Variants in DENND1A observed in about 807,000 individuals in gnomAD.
The protein encoded by DENND1A is DENN domain containing 1A.
A neutral mutation model predicts 113.7 loss-of-function variants in DENND1A; 51 were observed. The ratio of observed to expected loss-of-function variants is 0.45; its 90% CI spans 0.36 to 0.57. The LOEUF (loss-of-function observed/expected upper bound fraction) is 0.57. Among genes scored for constraint, DENND1A ranks in the 20% least tolerant of loss-of-function variants. The probability of loss-of-function intolerance (pLI) is 0.00; values close to 1 mark genes in which losing one functional copy is unlikely to be tolerated. For missense variants in DENND1A, 1,258 were observed against 1,395.9 expected, an observed-to-expected ratio of 0.90 and a Z score of 1.57; for synonymous variants, 565 against 570.8, an observed-to-expected ratio of 0.99 and a Z score of 0.14.
Position 123,381,340 on chromosome 9 carries a change from C to T in DENND1A, c.*92G>A. ...TCCCATCCCTTCCCACCAGCAGAAC[C>T]TGGGCAGAGAGAGAGTGGCGGGGGA... On this transcript the variant is annotated 3_prime_UTR_variant, in exon 24 of 24. Coordinates refer to ENST00000394215, the MANE Select transcript of DENND1A (RefSeq NM_001352964.2). The surrounding 1 kb of genome is among the most constrained non-coding windows in gnomAD (Gnocchi z 4.7). 1 of 1,310,234 alleles carries T rather than the reference C, an allele frequency of 7.6e-7. No homozygotes were observed. The highest frequency in any genetic ancestry group is 1.1e-6 in the Non-Finnish European group (1 of 936,140). The allele number at this position is 1,310,234 out of a possible 1,614,324, so 81.2% of individuals were successfully genotyped here.
intron 5 of DENND1A, among the ~76,000 whole-genome samples, chr9:123,692,087 T>A (rs1483046609): frequency 6.6e-6 from 1 of 152,164 alleles, no homozygotes; most frequent in Non-Finnish European, 1.5e-5. Context: ...CCAAGAGCTG[T>A]TCCTTCGTCT....
At chr9:123,387,475 G>C (rs1373900776) in intron 22 of DENND1A, among the ~76,000 whole-genome samples, 1 of 152,192 alleles carries the variant, frequency 6.6e-6, no homozygotes, top group Non-Finnish European at 1.5e-5. Flanking sequence ...TCTCTAAGGG[G>C]ACCAATGCTC....
rs1336495800 is a variant in DENND1A, at chr9:123,583,159, C to G, written c.867+10G>C. The G allele has an allele frequency of 6.2e-7, 1 of 1,600,514 alleles. No homozygotes were observed. On this transcript the variant is annotated intron_variant, in intron 12 of 23. Coordinates refer to ENST00000394215, the MANE Select transcript of DENND1A (RefSeq NM_001352964.2). ...CACAGAAGTGAGATCCTCGCAAGCT[C>G]ATTACCTACCACGTCGTTTGGGAGG...
chr9:123,924,435 A>G (rs913385726), intron 1 of DENND1A, among the ~76,000 whole-genome samples: 1 of 152,178 alleles, frequency 6.6e-6, no homozygotes, highest in Non-Finnish European at 1.5e-5. Context: ...TTGGGAGGCC[A>G]AGGCAGTCGG....
At chr9:123,458,623 C>T (rs139442095) in intron 13 of DENND1A, among the ~76,000 whole-genome samples, 1 of 152,116 alleles carries the variant, frequency 6.6e-6, no homozygotes, top group Non-Finnish European at 1.5e-5. Flanking sequence ...ACTTTTTTCA[C>T]TTTTAGCAGC....
Position 123,381,120 on chromosome 9 carries a change from GTC to G in DENND1A, c.*310_*311del. Reference sequence around the variant, plus strand: ...TCCGGGGGAAGGTGGGTAGGACTCGGTCTGGAGCAATATCATTGGCCCAGCTG... The same window carrying G: ...TCCGGGGGAAGGTGGGTAGGACTCGGTGGAGCAATATCATTGGCCCAGCTG... On this transcript the variant is annotated 3_prime_UTR_variant, in exon 24 of 24. Coordinates refer to ENST00000394215, the MANE Select transcript of DENND1A (RefSeq NM_001352964.2). This position sits in a 1 kb window ranked among gnomAD's most constrained non-coding sequence, Gnocchi z 4.7. 5.4e-6 allele frequency: 2 copies of G among 369,176 alleles called. No individual in the cohort carries two copies. Among genetic ancestry groups the G allele is most frequent in the East Asian group, 1.3e-4 (2 of 15,478 alleles). 22.9% of individuals were successfully genotyped at this position (369,176 alleles called of 1,614,324 possible).
chr9:123,517,630 A>G (rs1301768102), intron 13 of DENND1A, among the ~76,000 whole-genome samples: 1 of 152,152 alleles, frequency 6.6e-6, no homozygotes, highest in Non-Finnish European at 1.5e-5. Context: ...AAAAAACAAC[A>G]GCAAAACAAA....
At chr9:123,469,636 GTAAGATTTTCT>G (rs952973983) in intron 13 of DENND1A, among the ~76,000 whole-genome samples, 2 of 152,222 alleles carry the variant, frequency 1.3e-5, no homozygotes, top group African/African-American at 4.8e-5. Flanking sequence ...GCATACTAGC[GTAAGATTTTCT>G]TCCCATAAGA....
Position 123,394,960 on chromosome 9 carries a change from G to A in DENND1A, c.1632-7102C>T, listed in dbSNP as rs190032936. Among the ~76,000 whole-genome samples, 5 of 152,378 alleles carry A rather than the reference G, an allele frequency of 3.3e-5. No homozygotes were observed. The East Asian group carries it at 5.8e-4, about 18-fold the overall frequency. Reference sequence around the variant, plus strand: ...GCTGCCCGGGTGCACATCCTGGACTGAGGGTACGTCATTCCACTGGCTACA... The same window carrying A: ...GCTGCCCGGGTGCACATCCTGGACTAAGGGTACGTCATTCCACTGGCTACA... On this transcript the variant is annotated intron_variant, in intron 21 of 23. Coordinates refer to ENST00000394215, the MANE Select transcript of DENND1A (RefSeq NM_001352964.2).
At chr9:123,677,424 G>GT (rs2064151417) in intron 5 of DENND1A, among the ~76,000 whole-genome samples, 2 of 152,070 alleles carry the variant, frequency 1.3e-5, no homozygotes. Context: ...TGTGTGGCTT[G>GT]TTTTTTGTTT....
intron 5 of DENND1A, among the ~76,000 whole-genome samples, chr9:123,726,233 T>C (rs2067696701): frequency 6.6e-6 from 1 of 152,232 alleles, no homozygotes; most frequent in Non-Finnish European, 1.5e-5. Flanking sequence ...ATGTATTTCA[T>C]TTTCAGAAGA....
chr9:123,653,637 T>C (rs1158304174), intron 8 of DENND1A, among the ~76,000 whole-genome samples: 1 of 152,208 alleles, frequency 6.6e-6, no homozygotes, highest in Non-Finnish European at 1.5e-5. Context: ...TGTGACATGA[T>C]TCAGTCCTGA....
At chr9:123,794,737 T>C (rs1833517785) in intron 2 of DENND1A, among the ~76,000 whole-genome samples, 1 of 152,158 alleles carries the variant, frequency 6.6e-6, no homozygotes, top group African/African-American at 2.4e-5. Flanking sequence ...CAGTCAACTA[T>C]ATTAATAAGA....
intron 3 of DENND1A, among the ~76,000 whole-genome samples, chr9:123,785,260 T>C (rs371078361): frequency 6.6e-6 from 1 of 152,018 alleles, no homozygotes; most frequent in Non-Finnish European, 1.5e-5. Flanking sequence ...GGTAGGAGAA[T>C]TGCCTGAGAC....
chr9:123,686,377 A>G (rs548578369), intron 5 of DENND1A, among the ~76,000 whole-genome samples: 10 of 152,232 alleles, frequency 6.6e-5, no homozygotes, highest in Non-Finnish European at 1.5e-4. Context: ...ATCACGTACA[A>G]TGATAAATCC....
chr9:123,871,652 G>A (rs1368340664), intron 2 of DENND1A, among the ~76,000 whole-genome samples: 1 of 152,056 alleles, frequency 6.6e-6, no homozygotes, highest in Non-Finnish European at 1.5e-5. Context: ...TAACACCCAC[G>A]TATCTGAGAA....
intron 21 of DENND1A, among the ~76,000 whole-genome samples, chr9:123,398,600 A>G (rs1055028937): frequency 6.6e-6 from 1 of 151,610 alleles, no homozygotes; most frequent in Non-Finnish European, 1.5e-5. Flanking sequence ...GATGGTCTTG[A>G]TCTCCTGACC....
At chr9:123,923,423 G>A (rs906079701) in intron 1 of DENND1A, among the ~76,000 whole-genome samples, 10 of 152,174 alleles carry the variant, frequency 6.6e-5, no homozygotes, top group African/African-American at 9.7e-5. Flanking sequence ...GCACTGTGGC[G>A]GAGAAAGGGA....
intron 5 of DENND1A, among the ~76,000 whole-genome samples, chr9:123,683,444 A>C (rs941215635): frequency 1.9e-4 from 29 of 152,336 alleles, no homozygotes; most frequent in African/African-American, 6.7e-4. Context: ...TAAGTCAGAA[A>C]AATTATAACC....
Sources: allele counts gnomAD v4.1 joint callset (sites outside exome capture counted in the v4.1 genomes callset), GRCh38; gene constraint gnomAD v4.1.1; non-coding constraint Gnocchi (gnomAD v3.1); transcripts MANE v1.5; gene names NCBI Gene and HGNC (gene_info 2026-07-23, HGNC 2026-07-21).